LURAP1L: variants seen among roughly 807,000 people sequenced by gnomAD.
LURAP1L encodes the protein leucine rich adaptor protein 1-like.
Under a neutral mutation model 13.8 loss-of-function variants are expected in LURAP1L, and 12 were observed. The ratio of observed to expected loss-of-function variants is 0.87; its 90% confidence interval spans 0.56 to 1.41. The LOEUF (loss-of-function observed/expected upper bound fraction) is 1.41. LURAP1L is among the 40% of genes most tolerant of loss of function. LURAP1L has a pLI of 0.00. For missense variants in LURAP1L, 375 were observed against 292.9 expected, an observed-to-expected ratio of 1.28 and a Z score of -2.04; for synonymous variants, 139 against 119.2, an observed-to-expected ratio of 1.17 and a Z score of -1.08.
At chr9:12,791,030 G>A (rs558545285) in intron 1 of LURAP1L, among the ~76,000 whole-genome samples, 15 of 152,164 alleles carry the variant, frequency 9.9e-5, no homozygotes, top group African/African-American at 3.6e-4. Flanking sequence ...CCTTGGCACA[G>A]CCCTCAGTAT....
At chr9:12,811,817 C>T (rs905434929) in intron 1 of LURAP1L, among the ~76,000 whole-genome samples, 4 of 152,294 alleles carry the variant, frequency 2.6e-5, no homozygotes, top group African/African-American at 7.2e-5. Context: ...ATTAGGGAGT[C>T]TGGGCACAGA....
At chr9:12,796,046 T>C (rs761678504) in intron 1 of LURAP1L, among the ~76,000 whole-genome samples, 5 of 152,070 alleles carry the variant, frequency 3.3e-5, no homozygotes, top group Admixed American at 3.3e-4. Flanking sequence ...TATGGTTTCA[T>C]AGTATCCTCT....
intron 1 of LURAP1L, among the ~76,000 whole-genome samples, chr9:12,818,983 A>T (rs1819839067): frequency 6.6e-6 from 1 of 152,118 alleles, no homozygotes; most frequent in African/African-American, 2.4e-5. Flanking sequence ...GTGATTTATA[A>T]ATGTTTGTTA....
At position 12,812,609 on chromosome 9, in the gene LURAP1L, G is replaced by A. The variant is rs190234669; in HGVS notation, c.313-8777G>A. Among the ~76,000 whole-genome samples the A allele has an allele frequency of 2.3e-3, 352 of 152,286 alleles. 1 individual carries two copies. The highest frequency in any genetic ancestry group is 3.0e-3 in the Non-Finnish European group (205 of 68,024). ...AATGAAGAAGAAATATGGGGCATAAGATCCACGGCAAACAGATTTAATTAT... is the reference window on the plus strand; with the variant it reads ...AATGAAGAAGAAATATGGGGCATAAAATCCACGGCAAACAGATTTAATTAT... On this transcript the variant is annotated intron_variant, in intron 1 of 1. Coordinates refer to ENST00000319264, the MANE Select transcript of LURAP1L (RefSeq NM_203403.2).
At chr9:12,794,933 G>A (rs977847654) in intron 1 of LURAP1L, among the ~76,000 whole-genome samples, 2 of 151,908 alleles carry the variant, frequency 1.3e-5, no homozygotes, top group Non-Finnish European at 2.9e-5. Flanking sequence ...TAATCATCAG[G>A]TAGGTAAAGT....
chr9:12,777,664 T>C (rs954325047), intron 1 of LURAP1L: 2 of 786,470 alleles, frequency 2.5e-6, no homozygotes, highest in African/African-American at 1.9e-5. Flanking sequence ...AGAGTATTTA[T>C]ATATAACTTG....
At chr9:12,784,588 T>C (rs1460091638) in intron 1 of LURAP1L, among the ~76,000 whole-genome samples, 2 of 152,146 alleles carry the variant, frequency 1.3e-5, no homozygotes, top group South Asian at 2.1e-4. Context: ...GGAGGAGGGG[T>C]GACACGAGCA....
intron 1 of LURAP1L, among the ~76,000 whole-genome samples, chr9:12,801,997 C>A (rs1215951376): frequency 6.6e-6 from 1 of 152,158 alleles, no homozygotes; most frequent in African/African-American, 2.4e-5. Flanking sequence ...ATCTGTCACT[C>A]TGGATTCAGG....
Position 12,775,585 on chromosome 9 carries a change from G to A in LURAP1L, c.-131G>A. 1 of 1,407,992 alleles carries A rather than the reference G, an allele frequency of 7.1e-7. No homozygotes were observed. The allele number at this position is 1,407,992 out of a possible 1,614,324, so 87.2% of individuals were successfully genotyped here. On this transcript the variant is annotated 5_prime_UTR_variant, in exon 1 of 2. Coordinates refer to ENST00000319264, the MANE Select transcript of LURAP1L (RefSeq NM_203403.2). The stretch of plus-strand genomic sequence containing the variant: ...CGCATAGGCGGTTATGGAAAGGACG[G>A]TACACCGGAGCGGCGGAGGATAGAG...
intron 1 of LURAP1L, among the ~76,000 whole-genome samples, chr9:12,816,477 C>A (rs556270394): frequency 2.6e-4 from 40 of 152,254 alleles, no homozygotes; most frequent in African/African-American, 9.6e-4. Context: ...GTACCATGTT[C>A]CTCATACAAC....
intron 1 of LURAP1L, among the ~76,000 whole-genome samples, chr9:12,794,842 G>A (rs1046453945): frequency 1.3e-5 from 2 of 151,616 alleles, no homozygotes; most frequent in Admixed American, 1.3e-4. Flanking sequence ...ATGTTTTTAG[G>A]CATCAACTAT....
chr9:12,795,099 A>G (rs1819495303), intron 1 of LURAP1L, among the ~76,000 whole-genome samples: 1 of 152,006 alleles, frequency 6.6e-6, no homozygotes, highest in Non-Finnish European at 1.5e-5. Context: ...TCAATTGCTT[A>G]TCAATTTACA....
intron 1 of LURAP1L, among the ~76,000 whole-genome samples, chr9:12,804,765 G>A (rs1032395742): frequency 2.0e-5 from 3 of 152,150 alleles, no homozygotes; most frequent in Non-Finnish European, 4.4e-5. Flanking sequence ...TGAAAAGATG[G>A]TTAAAGGAAG....
intron 1 of LURAP1L, among the ~76,000 whole-genome samples, chr9:12,818,967 T>C (rs1478487029): frequency 6.6e-6 from 1 of 152,146 alleles, no homozygotes; most frequent in Non-Finnish European, 1.5e-5. Flanking sequence ...CCTAGGCAAA[T>C]TGTTGGTGAT....
At chr9:12,812,434 C>T (rs558621476) in intron 1 of LURAP1L, among the ~76,000 whole-genome samples, 32 of 152,334 alleles carry the variant, frequency 2.1e-4, no homozygotes, top group African/African-American at 7.0e-4. Context: ...TGCTTCCTCA[C>T]TTATTTTTAC....
At chr9:12,805,822 C>T (rs1211733684) in intron 1 of LURAP1L, among the ~76,000 whole-genome samples, 1 of 152,142 alleles carries the variant, frequency 6.6e-6, no homozygotes, top group Non-Finnish European at 1.5e-5. Flanking sequence ...TGAGGGTTCT[C>T]TTGATTACAT....
chr9:12,813,334 T>C (rs1232811818), intron 1 of LURAP1L, among the ~76,000 whole-genome samples: 3 of 152,178 alleles, frequency 2.0e-5, no homozygotes, highest in Admixed American at 6.5e-5. Context: ...GCATCCTAAT[T>C]ATTTTACTAC....
chr9:12,821,927 G>A lies in LURAP1L; in HGVS notation c.*167G>A. The A allele has an allele frequency of 3.0e-6, 2 of 676,322 alleles. No individual in the cohort carries two copies. Among genetic ancestry groups the A allele is most frequent in the Non-Finnish European group, 4.7e-6 (2 of 423,274 alleles). The allele number at this position is 676,322 out of a possible 1,614,324, so 41.9% of individuals were successfully genotyped here. On this transcript the variant is annotated 3_prime_UTR_variant, in exon 2 of 2. Transcript: ENST00000319264. ...CTGTTGCTCCTAATACTTCTCATCTGAGCTGATTTATTTTTCTCTGTTACA... is the reference window on the plus strand; with the variant it reads ...CTGTTGCTCCTAATACTTCTCATCTAAGCTGATTTATTTTTCTCTGTTACA...
intron 1 of LURAP1L, among the ~76,000 whole-genome samples, chr9:12,800,948 C>A (rs765352082): frequency 4.6e-5 from 7 of 152,006 alleles, no homozygotes; most frequent in Non-Finnish European, 4.4e-5. Context: ...GATAATGTGG[C>A]GAGTTTTTTA....
Sources: allele counts gnomAD v4.1 joint callset (sites outside exome capture counted in the v4.1 genomes callset), GRCh38; gene constraint gnomAD v4.1.1; transcripts MANE v1.5; gene names NCBI Gene and HGNC (gene_info 2026-07-23, HGNC 2026-07-21).